Variants in CFAP91 observed in about 807,000 individuals in gnomAD.
The protein encoded by CFAP91 is cilia- and flagella-associated protein 91.
In CFAP91, 85 loss-of-function variants were observed where a neutral mutation model predicts 95.9. That is an observed-to-expected ratio of 0.89 (90% CI 0.74 to 1.06). The LOEUF is 1.06. CFAP91 is among the 50% of genes least tolerant of loss of function. The probability of loss-of-function intolerance (pLI) is 0.00; values close to 1 mark genes in which losing one functional copy is unlikely to be tolerated. For synonymous variants in CFAP91, 335 were observed against 327.5 expected (o/e 1.02, Z -0.25); for missense variants, 962 against 943.4 (o/e 1.02, Z -0.26).
chr3:119,732,700 A>G (rs2053926199), intron 9 of CFAP91, among the ~76,000 whole-genome samples: 1 of 152,242 alleles, frequency 6.6e-6, no homozygotes, highest in African/African-American at 2.4e-5. Context: ...GTAAATGTTA[A>G]AAAAATGTTT....
At position 119,765,245 on chromosome 3, in the gene CFAP91, T is replaced by C. The variant is rs1485408919; in HGVS notation, c.*195T>C. ...ATAATCAAATGAAAAAGCTTCATTC[T>C]CTTCAGTGTCTTCTAGATGCCCTAC... On this transcript the variant is annotated 3_prime_UTR_variant, in exon 18 of 18. Transcript: ENST00000273390. 5 of 152,218 alleles carry C rather than the reference T, an allele frequency of 3.3e-5. No homozygotes were observed. Among genetic ancestry groups the C allele is most frequent in the African/African-American group, 1.2e-4 (5 of 41,464 alleles). 9.4% of individuals were successfully genotyped at this position (152,218 alleles called of 1,614,324 possible).
At chr3:119,733,913 T>C (rs1416366685) in intron 10 of CFAP91, among the ~76,000 whole-genome samples, 1 of 152,208 alleles carries the variant, frequency 6.6e-6, no homozygotes, top group Non-Finnish European at 1.5e-5. Flanking sequence ...TCTCATGTAG[T>C]TAAAGCTCTA....
intron 17 of CFAP91, among the ~76,000 whole-genome samples, chr3:119,751,514 C>G (rs969592620): frequency 6.6e-6 from 1 of 152,122 alleles, no homozygotes; most frequent in Non-Finnish European, 1.5e-5. Flanking sequence ...GCTCAGACAC[C>G]TTCTGCAGTG....
intron 5 of CFAP91, among the ~76,000 whole-genome samples, chr3:119,714,234 C>T (rs947209117): frequency 2.0e-5 from 3 of 151,978 alleles, no homozygotes; most frequent in South Asian, 2.1e-4. Context: ...GGCGTGGTGG[C>T]GGGCACCTGT....
chr3:119,762,736 A>G (rs1008819549), intron 17 of CFAP91, among the ~76,000 whole-genome samples: 4 of 152,144 alleles, frequency 2.6e-5, no homozygotes, highest in Admixed American at 1.3e-4. Flanking sequence ...AGTCTTTTCA[A>G]TAAATGATGC....
intron 7 of CFAP91, among the ~76,000 whole-genome samples, chr3:119,728,336 G>C (rs2053826403): frequency 6.6e-6 from 1 of 152,156 alleles, no homozygotes. Flanking sequence ...CCCATCCCAG[G>C]ACCTACTGAA....
chr3:119,745,314 TAATA>T (rs1211170830), intron 14 of CFAP91, among the ~76,000 whole-genome samples: 1 of 152,186 alleles, frequency 6.6e-6, no homozygotes, highest in East Asian at 1.9e-4. Context: ...ATGTAATATT[TAATA>T]AATTTCCAAA....
At chr3:119,710,305 G>GTCCAAGAAGCAAT (rs2053450284) in intron 5 of CFAP91, 1 of 162,934 alleles carries the variant, frequency 6.1e-6, no homozygotes, top group Non-Finnish European at 1.3e-5. Context: ...CAAGAAGCAA[G>GTCCAAGAAGCAAT]GCAGTCCAAT....
chr3:119,744,205 G>C lies in CFAP91; in HGVS notation c.1902+9G>C. 6.3e-7 allele frequency: 1 copy of C among 1,599,578 alleles called. No homozygotes were observed. Among genetic ancestry groups the C allele is most frequent in the Non-Finnish European group, 8.5e-7 (1 of 1,170,548 alleles). On this transcript the variant is annotated intron_variant, in intron 14 of 17. Transcript: ENST00000273390. ...ACGAGATATTTAAGGAGGCAAGTAGGGGCAGCTGGGTGTGTGGAAGCTGCC... is the reference window on the plus strand; with the variant it reads ...ACGAGATATTTAAGGAGGCAAGTAGCGGCAGCTGGGTGTGTGGAAGCTGCC...
chr3:119,704,406 G>T (rs1019366765), intron 1 of CFAP91, among the ~76,000 whole-genome samples: 1 of 152,172 alleles, frequency 6.6e-6, no homozygotes, highest in Admixed American at 6.5e-5. Flanking sequence ...TATAGCCAGG[G>T]CGGATGAGAA....
chr3:119,724,362 C>G (rs2053740274), intron 6 of CFAP91, among the ~76,000 whole-genome samples: 1 of 152,004 alleles, frequency 6.6e-6, no homozygotes, highest in Non-Finnish European at 1.5e-5. Context: ...TTAAAAGGTA[C>G]ATCGGCTTTA....
chr3:119,756,520 G>A (rs2054432165), intron 17 of CFAP91, among the ~76,000 whole-genome samples: 1 of 152,154 alleles, frequency 6.6e-6, no homozygotes, highest in African/African-American at 2.4e-5. Context: ...CAGGTATGTG[G>A]ATTGGCTTAT....
At chr3:119,747,789 C>T (rs751799447) in intron 15 of CFAP91, 22 bp from the exon 16 acceptor site, 1 of 1,595,918 alleles carries the variant, frequency 6.3e-7, no homozygotes, top group Non-Finnish European at 8.6e-7. Flanking sequence ...AGAAATAATT[C>T]AATTTGTTTT....
chr3:119,744,825 G>A (rs895706346), intron 14 of CFAP91, among the ~76,000 whole-genome samples: 3 of 152,198 alleles, frequency 2.0e-5, no homozygotes, highest in African/African-American at 7.2e-5. Flanking sequence ...TTGGTGACCA[G>A]CTTCTAGCCT....
intron 17 of CFAP91, among the ~76,000 whole-genome samples, chr3:119,762,003 G>C (rs933161289): frequency 7.9e-5 from 12 of 151,918 alleles, no homozygotes; most frequent in African/African-American, 2.2e-4. Flanking sequence ...AGTTGGGCAA[G>C]AGAAAGAAAT....
chr3:119,713,734 A>T (rs1299177982), intron 5 of CFAP91, among the ~76,000 whole-genome samples: 2 of 152,174 alleles, frequency 1.3e-5, no homozygotes. Context: ...TTTATTGTAT[A>T]TACATCTAGG....
At chr3:119,708,778 A>C (rs781637656) in intron 4 of CFAP91, 104 bp downstream of exon 4, 4 of 683,744 alleles carry the variant, frequency 5.9e-6, no homozygotes, top group Non-Finnish European at 1.0e-5. Context: ...AACGTGCCAG[A>C]CTCTATTTTA....
At chr3:119,729,852 A>G (rs898128671) in intron 7 of CFAP91, among the ~76,000 whole-genome samples, 1 of 152,068 alleles carries the variant, frequency 6.6e-6, no homozygotes, top group African/African-American at 2.4e-5. Context: ...CCAGAACCGC[A>G]TTTCCTCTTC....
At chr3:119,729,797 T>C (rs2053859429) in intron 7 of CFAP91, among the ~76,000 whole-genome samples, 1 of 152,236 alleles carries the variant, frequency 6.6e-6, no homozygotes. Flanking sequence ...GTACCTATTA[T>C]ATGCCAGGAA....
Sources: allele counts gnomAD v4.1 joint callset (sites outside exome capture counted in the v4.1 genomes callset), GRCh38; gene constraint gnomAD v4.1.1; transcripts MANE v1.5; gene names NCBI Gene and HGNC (gene_info 2026-07-23, HGNC 2026-07-21).